Variants in LMF1 observed in about 807,000 individuals in gnomAD.
The protein encoded by LMF1 is lipase maturation factor 1.
Under a neutral mutation model 60.6 loss-of-function variants are expected in LMF1, and 68 were observed. The observed-to-expected ratio is 1.12, with a 90% CI of 0.92 to 1.37. The LOEUF is 1.37. LMF1 is among the 40% of genes most tolerant of loss of function. LMF1 has a pLI of 0.00. For synonymous variants in LMF1, 418 were observed against 324.7 expected (o/e 1.29, Z -3.09); for missense variants, 948 against 767.2 (o/e 1.24, Z -2.78).
At chr16:926,805 G>A (rs1200870922) in intron 3 of LMF1, among the ~76,000 whole-genome samples, 20 of 152,158 alleles carry the variant, frequency 1.3e-4, no homozygotes, top group African/African-American at 4.1e-4. Flanking sequence ...GTCACAGCCA[G>A]GATGTCAGCT....
At chr16:937,319 T>C (rs570635157) in intron 2 of LMF1, among the ~76,000 whole-genome samples, 1 of 152,328 alleles carries the variant, frequency 6.6e-6, no homozygotes, top group East Asian at 1.9e-4. Flanking sequence ...CTGGGTTTGT[T>C]CTGCTGTTTT....
intron 5 of LMF1, chr16:887,106 A>G (rs879719802): frequency 2.6e-5 from 4 of 152,078 alleles, no homozygotes; most frequent in South Asian, 2.1e-4. Context: ...GCGGGCCCCC[A>G]TATCTGAGGG....
upstream of LMF1, among the ~76,000 whole-genome samples, chr16:973,052 A>G (rs1485058809): frequency 6.6e-6 from 1 of 152,222 alleles, no homozygotes; most frequent in Non-Finnish European, 1.5e-5. Context: ...GTTATGATTC[A>G]GCCATCAAAA....
Position 910,978 on chromosome 16 carries a change from C to A in LMF1, c.616G>T (p.Val206Phe). 1.9e-6 allele frequency: 3 copies of A among 1,613,110 alleles called. No individual in the cohort carries two copies. Among genetic ancestry groups the A allele is most frequent in the Non-Finnish European group, 2.5e-6 (3 of 1,179,886 alleles). Residue 206 changes from valine (V) to phenylalanine (F), a missense_variant, in exon 4 of 11, where the codon GTC becomes TTC. Physicochemically the swap from Val to Phe is conservative, Grantham distance 50. Coordinates refer to ENST00000262301, the MANE Select transcript of LMF1 (RefSeq NM_022773.4). ...LPQHTPTSRI[V>F]LWGFRWLIFR... ...ATCAGCCACCGGAAGCCCCACAGGA[C>A]AATCCGGGATGTGGGGGTATGCTGG...
rs755426906 is a variant in LMF1 at position 945,893 on chromosome 16, C to T, written c.503+8464G>A. On this transcript the variant is annotated intron_variant, in intron 2 of 10. Transcript: ENST00000262301. The stretch of plus-strand genomic sequence containing the variant: ...GCAGGAGACTGGGTTGCCAAGTCCC[C>T]GCAGGACCAGAAAAGCCTCAGTACA... 9.9e-5 allele frequency among the ~76,000 whole-genome samples: 15 copies of T among 152,278 alleles called. No homozygotes were observed. The East Asian group carries it at 1.7e-3, about 18-fold the overall frequency.
intron 3 of LMF1, among the ~76,000 whole-genome samples, chr16:923,331 C>T (rs972548119): frequency 2.6e-5 from 4 of 152,108 alleles, no homozygotes; most frequent in Admixed American, 6.5e-5. Context: ...TCATTCCTCC[C>T]CATTGCGTGG....
rs548475632 is a variant in LMF1 at position 907,209 on chromosome 16, G to A, written c.663+3722C>T. Among the ~76,000 whole-genome samples the A allele has an allele frequency of 1.1e-4, 17 of 152,132 alleles. No homozygotes were observed. In the South Asian group the frequency reaches 1.9e-3, roughly 17 times the overall value. On this transcript the variant is annotated intron_variant, in intron 4 of 10. Coordinates refer to ENST00000262301, the MANE Select transcript of LMF1 (RefSeq NM_022773.4). The stretch of plus-strand genomic sequence containing the variant: ...AAGGTCAGGAGGTCGAGACCATCCC[G>A]GCTAACACGGTGAAACCTAGTCTCT...
chr16:952,969 C>CCACT (rs1464751782), intron 2 of LMF1, among the ~76,000 whole-genome samples: 696 of 51,000 alleles, frequency 0.014, 113 homozygotes, highest in African/African-American at 0.04. Flanking sequence ...ACACAGACAC[C>CCACT]CCAAACCAGC....
At chr16:949,528 C>T (rs1438772074) in intron 2 of LMF1, among the ~76,000 whole-genome samples, 11 of 134,478 alleles carry the variant, frequency 8.2e-5, no homozygotes, top group East Asian at 2.2e-4. Flanking sequence ...AGTCAGCCAA[C>T]GACAGAGTCA....
chr16:929,759 G>C (rs1328848147), intron 3 of LMF1, among the ~76,000 whole-genome samples: 7 of 152,246 alleles, frequency 4.6e-5, no homozygotes, highest in Non-Finnish European at 1.5e-5. Context: ...GGCAGAATGG[G>C]GTTTAACAAA....
At chr16:941,677 T>C (rs895625018) in intron 2 of LMF1, among the ~76,000 whole-genome samples, 2 of 152,252 alleles carry the variant, frequency 1.3e-5, no homozygotes, top group African/African-American at 4.8e-5. Context: ...AGCAAACATG[T>C]TTAACACTCC....
intron 1 of LMF1, among the ~76,000 whole-genome samples, chr16:957,782 C>G (rs1047271466): frequency 6.6e-6 from 1 of 152,176 alleles, no homozygotes; most frequent in Non-Finnish European, 1.5e-5. Flanking sequence ...CACAGCCCCC[C>G]TGCCCCCGAC....
intron 4 of LMF1, among the ~76,000 whole-genome samples, chr16:896,703 CA>C (rs1278414213): frequency 1.3e-5 from 2 of 152,204 alleles, no homozygotes; most frequent in African/African-American, 4.8e-5. Flanking sequence ...GCTCCCCCCG[CA>C]TGAGCACCAG....
At chr16:981,346 G>GAGAGAGAGAGAC (rs2073368400), upstream of LMF1, 1 of 221,918 alleles carries the variant, frequency 4.5e-6, no homozygotes. Flanking sequence ...GAGAGAGAGA[G>GAGAGAGAGAGAC]AGTGTGTGTG....
chr16:936,166 G>C (rs992039118), intron 2 of LMF1, among the ~76,000 whole-genome samples: 37 of 146,128 alleles, frequency 2.5e-4, no homozygotes, highest in South Asian at 1.3e-3. Flanking sequence ...GTGGCTGGGA[G>C]ACAGAGGGGG....
rs116229199 is a variant in LMF1, at chr16:919,683, C to T, written c.515-8604G>A. Among the ~76,000 whole-genome samples the T allele has an allele frequency of 6.1e-3, 927 of 152,286 alleles. 11 individuals are homozygous for T. Among genetic ancestry groups the T allele is most frequent in the African/African-American group, 0.021 (861 of 41,548 alleles). On this transcript the variant is annotated intron_variant, in intron 3 of 10. Transcript: ENST00000262301. ...GGAGGCAGTGATGACCTCAGGCCCA[C>T]GTCCTGGAGGTCTTGGGGAGAAAGA... is the stretch of plus-strand genomic sequence containing the variant.
intron 3 of LMF1, chr16:931,807 C>A (rs1305547848): frequency 3.9e-6 from 5 of 1,282,598 alleles, no homozygotes; most frequent in Non-Finnish European, 5.1e-6. Flanking sequence ...CAGGGTCAGA[C>A]ACAACATGAA....
rs539174544 is a variant in LMF1 at position 895,104 on chromosome 16, C to T, written c.664-2032G>A. On this transcript the variant is annotated intron_variant, in intron 4 of 10. Transcript: ENST00000262301. The stretch of plus-strand genomic sequence containing the variant: ...GAACGCAGGGTCCCATCTGCCACGG[C>T]GCCAGTCGCGGTCCCACTGCGGGAG... Among the ~76,000 whole-genome samples the T allele has an allele frequency of 3.8e-3, 575 of 152,294 alleles. 2 individuals carry two copies. Among genetic ancestry groups the T allele is most frequent in the South Asian group, 0.036 (175 of 4,830 alleles).
intron 5 of LMF1, chr16:884,201 G>C (rs926302431): frequency 6.6e-6 from 1 of 152,142 alleles, no homozygotes; most frequent in African/African-American, 2.4e-5. Flanking sequence ...TCACGTTTTT[G>C]GTATGTTTTT....
Sources: allele counts gnomAD v4.1 joint callset (sites outside exome capture counted in the v4.1 genomes callset), GRCh38; gene constraint gnomAD v4.1.1; transcripts MANE v1.5; gene names NCBI Gene and HGNC (gene_info 2026-07-23, HGNC 2026-07-21).